THAP12: variants seen among roughly 807,000 people sequenced by gnomAD.
THAP12 encodes THAP domain containing 12.
THAP12 carries 20 observed loss-of-function variants against 63.0 expected under a neutral mutation model. The observed-to-expected ratio is 0.32, with a 90% CI of 0.22 to 0.46. THAP12 has a LOEUF of 0.46. Among genes scored for constraint, THAP12 ranks in the 20% least tolerant of loss-of-function variants. The probability of loss-of-function intolerance (pLI) is 1.00; values close to 1 mark genes in which losing one functional copy is unlikely to be tolerated. For missense variants in THAP12, 568 were observed against 908.2 expected (o/e 0.63, Z 4.81); for synonymous variants, 264 against 328.4 (o/e 0.80, Z 2.12).
At chr11:76,370,676 G>A (rs1946667031) in intron 1 of THAP12, among the ~76,000 whole-genome samples, 1 of 151,540 alleles carries the variant, frequency 6.6e-6, no homozygotes, top group Non-Finnish European at 1.5e-5. Flanking sequence ...CTATGTATAC[G>A]TTTTTACATG....
intron 1 of THAP12, among the ~76,000 whole-genome samples, chr11:76,370,896 T>C (rs1014734841): frequency 2.1e-4 from 32 of 151,682 alleles, no homozygotes; most frequent in African/African-American, 7.5e-4. Context: ...TTCATATGTG[T>C]ATTATGAATA....
chr11:76,354,198 G>A (rs968355268), intron 4 of THAP12, among the ~76,000 whole-genome samples: 5 of 152,180 alleles, frequency 3.3e-5, no homozygotes, highest in Middle Eastern at 3.2e-3. Context: ...TAGTCTGACC[G>A]GAGCCTGTGT....
At chr11:76,378,249 T>C (rs921376538) in intron 1 of THAP12, among the ~76,000 whole-genome samples, 14 of 151,708 alleles carry the variant, frequency 9.2e-5, no homozygotes, top group African/African-American at 3.2e-4. Flanking sequence ...CGAAACCCCG[T>C]CTTGACTAAA....
At chr11:76,355,862 A>C (rs374895596) in intron 3 of THAP12, 56 of 401,014 alleles carry the variant, frequency 1.4e-4, no homozygotes, top group African/African-American at 9.6e-4. Context: ...AGGTTATAAC[A>C]AAGTCTTAGG....
At chr11:76,362,770 A>G (rs1022968402) in intron 2 of THAP12, among the ~76,000 whole-genome samples, 3 of 152,248 alleles carry the variant, frequency 2.0e-5, no homozygotes, top group Non-Finnish European at 2.9e-5. Flanking sequence ...AATCAAATTG[A>G]TTTTCTATTT....
intron 1 of THAP12, among the ~76,000 whole-genome samples, chr11:76,370,947 C>T (rs1034502289): frequency 5.9e-5 from 9 of 151,588 alleles, no homozygotes; most frequent in Non-Finnish European, 1.2e-4. Context: ...CTTACATACT[C>T]GTCTCAAATT....
rs574672266 is a variant in THAP12 at position 76,377,654 on chromosome 11, G to A, written c.89+3094C>T. 2.6e-5 allele frequency among the ~76,000 whole-genome samples: 4 copies of A among 152,266 alleles called. No homozygotes were observed. The South Asian group carries it at 6.2e-4, about 24-fold the overall frequency. ...TTTATCCATTCAAGCACTGATAAAC[G>A]TGGCTTGTTTCTACCTTTTGACTAT... On this transcript the variant is annotated intron_variant, in intron 1 of 4. Coordinates refer to ENST00000260045, the MANE Select transcript of THAP12 (RefSeq NM_004705.4).
intron 1 of THAP12, among the ~76,000 whole-genome samples, chr11:76,371,544 A>G (rs1946674285): frequency 6.6e-6 from 1 of 152,084 alleles, no homozygotes; most frequent in Non-Finnish European, 1.5e-5. Flanking sequence ...TTATCTTACT[A>G]TATTATTCCC....
At chr11:76,366,604 C>T (rs1334785058) in intron 1 of THAP12, among the ~76,000 whole-genome samples, 3 of 152,010 alleles carry the variant, frequency 2.0e-5, no homozygotes, top group Admixed American at 2.0e-4. Context: ...TGGCGTGAAC[C>T]CGGGAGGCGG....
At chr11:76,355,719 ATC>A in intron 3 of THAP12, 65 bp from the exon 4 acceptor site, 1 of 1,327,174 alleles carries the variant, frequency 7.5e-7, no homozygotes, top group African/African-American at 1.5e-5. Flanking sequence ...CTAGTGTATC[ATC>A]TTAGACTCAC....
intron 1 of THAP12, among the ~76,000 whole-genome samples, chr11:76,367,648 C>T (rs894925381): frequency 1.3e-5 from 2 of 151,588 alleles, no homozygotes; most frequent in African/African-American, 4.9e-5. Context: ...GTCTCGAACT[C>T]CAGATCGCAG....
chr11:76,360,869 T>C (rs1311599540), intron 3 of THAP12, 87 bp downstream of exon 3: 2 of 889,674 alleles, frequency 2.2e-6, no homozygotes, highest in Non-Finnish European at 3.6e-6. Context: ...AGAGAGTAAT[T>C]TGGATTAATT....
chr11:76,366,310 AG>A (rs1946630116), intron 1 of THAP12, among the ~76,000 whole-genome samples: 2 of 152,212 alleles, frequency 1.3e-5, no homozygotes, highest in Non-Finnish European at 2.9e-5. Context: ...CTGCATGCAC[AG>A]CCACAAGGCT....
intron 1 of THAP12, among the ~76,000 whole-genome samples, chr11:76,376,854 T>C (rs1402896333): frequency 2.6e-5 from 4 of 152,176 alleles, no homozygotes; most frequent in Non-Finnish European, 5.9e-5. Context: ...AAATGACCTG[T>C]GGTCCAGAAC....
chr11:76,356,112 A>AAG (rs147449501), intron 3 of THAP12: 11,103 of 155,518 alleles, frequency 0.071, 630 homozygotes, highest in African/African-American at 0.15. Flanking sequence ...CAGAAGGTGA[A>AAG]AGTACCAGCA....
intron 4 of THAP12, among the ~76,000 whole-genome samples, chr11:76,353,749 G>A (rs964740585): frequency 3.9e-5 from 6 of 152,226 alleles, no homozygotes; most frequent in Admixed American, 6.5e-5. Context: ...AGTGGCTTAC[G>A]CCTGTAATCC....
rs1946518867 is a variant in THAP12 at position 76,350,598 on chromosome 11, C to T, written c.*266G>A. On this transcript the variant is annotated 3_prime_UTR_variant, in exon 5 of 5. Transcript: ENST00000260045. ...ATAATAAATGCTATGTCTAAAATGA[C>T]TTAACTGAAACAATTCCAGAGTGCC... 2.5e-5 allele frequency: 7 copies of T among 279,422 alleles called. No homozygotes were observed. The allele number at this position is 279,422 out of a possible 1,614,324, so 17.3% of individuals were successfully genotyped here. A position where few individuals can be genotyped will look rare whatever the true frequency, so the allele number is the denominator to read the frequency against.
chr11:76,369,362 A>G (rs1946654423), intron 1 of THAP12, among the ~76,000 whole-genome samples: 1 of 152,218 alleles, frequency 6.6e-6, no homozygotes, highest in Admixed American at 6.5e-5. Flanking sequence ...AATCTCACAA[A>G]CGTAATGTTA....
intron 1 of THAP12, among the ~76,000 whole-genome samples, chr11:76,371,371 G>A (rs1301599572): frequency 6.6e-6 from 1 of 152,100 alleles, no homozygotes; most frequent in Non-Finnish European, 1.5e-5. Flanking sequence ...CTATGACTCA[G>A]CCTTCAGATC....
Sources: allele counts gnomAD v4.1 joint callset (sites outside exome capture counted in the v4.1 genomes callset), GRCh38; gene constraint gnomAD v4.1.1; transcripts MANE v1.5; gene names NCBI Gene and HGNC (gene_info 2026-07-23, HGNC 2026-07-21).